Variants in MUC12 observed in about 807,000 individuals in gnomAD.
The protein encoded by MUC12 is mucin-12.
Under a neutral mutation model 230.8 loss-of-function variants are expected in MUC12, and 172 were observed. The observed-to-expected ratio is 0.75, with a 90% CI of 0.66 to 0.85. The LOEUF (loss-of-function observed/expected upper bound fraction) is 0.85, where lower values mean the gene tolerates loss of function less well. MUC12 is among the 40% of genes least tolerant of loss of function. The pLI, the probability that MUC12 is intolerant of heterozygous loss-of-function variation, is 0.00. For missense variants in MUC12, 3,506 were observed against 5,920.6 expected (o/e 0.59, Z 13.38); for synonymous variants, 1,259 against 2,401.9 (o/e 0.52, Z 13.91).
intron 4 of MUC12, 45 bp downstream of exon 4, chr7:101,008,806 T>C: frequency 1.3e-6 from 2 of 1,512,554 alleles, no homozygotes; most frequent in South Asian, 2.5e-5. Context: ...ATGTCCCACG[T>C]GAGAGGAAAT....
In MUC12 at chr7:100,991,670, A is replaced by C. The variant is rs776383438; in HGVS notation, c.1107A>C (p.Gln369His). The stretch of plus-strand genomic sequence containing the variant: ...ACCACAGGAGCCCGGGCTCAACTCA[A>C]ACAATGCACTTCCCTGAAAGCTCCA... ...TAYHRSPGST[Q>H]TMHFPESSTT... Residue 369 changes from glutamine (Q) to histidine (H), a missense_variant, in exon 2 of 12, where the codon CAA (glutamine) becomes CAC (histidine). Gln to His is a conservative substitution (Grantham distance 24). Transcript: ENST00000536621. The C allele has an allele frequency of 3.9e-6, 6 of 1,537,454 alleles. No homozygotes were observed. In the African/African-American group the frequency reaches 6.8e-5, roughly 18 times the overall value.
chr7:100,980,509 A>T (rs1395881320), intron 1 of MUC12, among the ~76,000 whole-genome samples: 1 of 152,202 alleles, frequency 6.6e-6, no homozygotes, highest in African/African-American at 2.4e-5. Flanking sequence ...CTATTCTTGG[A>T]CATGTGTACC....
chr7:101,013,925 G>C lies in MUC12; in HGVS notation c.15651G>C (p.Thr5217=). The change falls in exon 9 of 12, where the codon ACG becomes ACC. Residue 5217 remains threonine (T), a synonymous_variant. Coordinates refer to ENST00000536621, the MANE Select transcript of MUC12 (RefSeq NM_001164462.2). ...TCTGTGTCCCCAGGTGCCCAAATAC[G>C]AACACACACTGGTACTGGGGAGAGA... ...RSGPRCLCPN[T]NTHWYWGETC... is the part of the protein sequence containing the mutation. 2.0e-6 allele frequency: 3 copies of C among 1,535,346 alleles called. No individual in the cohort carries two copies. The highest frequency in any genetic ancestry group is 2.6e-6 in the Non-Finnish European group (3 of 1,145,906).
Position 100,994,041 on chromosome 7 carries a change from G to A in MUC12, c.3478G>A (p.Val1160Ile), listed in dbSNP as rs200579326. The change falls in exon 2 of 12, where the codon GTC becomes ATC. Residue 1160 changes from valine to isoleucine, a missense_variant. Coordinates refer to ENST00000536621, the MANE Select transcript of MUC12 (RefSeq NM_001164462.2). ...AGGCCTCAGTGAGGAATCTACCACC[G>A]TCTACAGCAGCAGCCGAGGCTCAAC... ...TPGLSEESTTVYSSSRGSTET... is the reference protein window; with the variant it reads ...TPGLSEESTTIYSSSRGSTET... 4.6e-4 allele frequency: 471 copies of A among 1,023,350 alleles called. 158 individuals are homozygous for A. In the East Asian group the frequency reaches 9.3e-3, roughly 20 times the overall value. The allele number at this position is 1,023,350 out of a possible 1,614,324, so 63.4% of individuals were successfully genotyped here.
At chr7:101,012,183 TCACCTCTGGGTCA>T in intron 5 of MUC12, 100 bp from the exon 6 acceptor site, 3 of 1,166,488 alleles carry the variant, frequency 2.6e-6, no homozygotes, top group Non-Finnish European at 3.5e-6. Context: ...GTATTCTTTC[TCACCTCTGGGTCA>T]CATGGCAGCT....
At chr7:100,988,968 G>A (rs942148027) in intron 1 of MUC12, among the ~76,000 whole-genome samples, 5 of 152,072 alleles carry the variant, frequency 3.3e-5, no homozygotes, top group Non-Finnish European at 7.4e-5. Context: ...CTTGCCTGCT[G>A]CCAAGTAAGA....
rs564124915 is a variant in MUC12, at chr7:100,991,783, T to C, written c.1220T>C (p.Leu407Pro). ...KSSTPSTTAA[L>P]AHTSYHSSLG... ...TCAACTCCTAGCACCACAGCTGCCC[T>C]AGCACATACAAGCTACCACAGCAGC... Residue 407 changes from leucine to proline, a missense_variant, in exon 2 of 12, where the codon CTA becomes CCA. Physicochemically the swap from Leu to Pro is moderately conservative, Grantham distance 98. Transcript: ENST00000536621. 2 of 1,537,854 alleles carry C rather than the reference T, an allele frequency of 1.3e-6. No individual in the cohort carries two copies. The highest frequency in any genetic ancestry group is 2.0e-5 in the Admixed American group (1 of 51,004).
chr7:101,002,821 A>C lies in MUC12; in HGVS notation c.12258A>C (p.Ser4086=). 1 of 1,148,014 alleles carries C rather than the reference A, an allele frequency of 8.7e-7. No homozygotes were observed. The highest frequency in any genetic ancestry group is 1.2e-6 in the Non-Finnish European group (1 of 829,524). 71.1% of individuals were successfully genotyped at this position (1,148,014 alleles called of 1,614,324 possible). The part of the protein sequence containing the change: ...ESTTFQSWPS[S]SDTTPSPPST... Reference sequence around the variant, plus strand: ...CCACTTTCCAGAGCTGGCCAAGCTCAAGTGACACAACACCTTCACCTCCCA... The same window carrying C: ...CCACTTTCCAGAGCTGGCCAAGCTCCAGTGACACAACACCTTCACCTCCCA... The change falls in exon 2 of 12, where the codon TCA becomes TCC. Residue 4086 remains serine, a synonymous_variant. Coordinates refer to ENST00000536621, the MANE Select transcript of MUC12 (RefSeq NM_001164462.2).
In MUC12 at chr7:100,991,427, G is replaced by C. The variant is rs61742928; in HGVS notation, c.864G>C (p.Ser288=). The C allele has an allele frequency of 2.4e-5, 37 of 1,537,564 alleles. 4 individuals carry two copies. Among genetic ancestry groups the C allele is most frequent in the East Asian group, 9.8e-5 (4 of 40,920 alleles). The change falls in exon 2 of 12, where the codon TCG becomes TCC. Residue 288 remains serine, a synonymous_variant. Transcript: ENST00000536621. ...GCTGGCCAAGCTCAAAGGACACTTC[G>C]CCTGCACCTTCTGGTACCACATCAG... is the stretch of plus-strand genomic sequence containing the variant. ...FQSWPSSKDT[S]PAPSGTTSAF...
chr7:100,974,422 T>TC (rs879630246), intron 1 of MUC12, among the ~76,000 whole-genome samples: 6,585 of 35,436 alleles, frequency 0.19, no homozygotes, highest in Admixed American at 0.22. Flanking sequence ...TCTATTGACT[T>TC]ATCAATTGAC....
At position 100,992,308 on chromosome 7, in the gene MUC12, G is replaced by A. The variant is rs1307986430; in HGVS notation, c.1745G>A (p.Ser582Asn). ...GGTCCAGAATATACTACCTTCCACAGCCGCCCAGGCTCCACTGAAACAACA... is the reference window on the plus strand; with the variant it reads ...GGTCCAGAATATACTACCTTCCACAACCGCCCAGGCTCCACTGAAACAACA... ...SLGPEYTTFHSRPGSTETTLL... is the reference protein window; with the variant it reads ...SLGPEYTTFHNRPGSTETTLL... Residue 582 changes from serine (S) to asparagine (N), a missense_variant, in exon 2 of 12, where the codon AGC becomes AAC. Transcript: ENST00000536621. The A allele has an allele frequency of 6.5e-7, 1 of 1,536,728 alleles. No homozygotes were observed. Among genetic ancestry groups the A allele is most frequent in the Non-Finnish European group, 8.7e-7 (1 of 1,146,102 alleles).
chr7:101,013,136 G>A lies in MUC12; in HGVS notation c.15632G>A (p.Arg5211His), dbSNP rs200856041. The A allele has an allele frequency of 3.7e-4, 571 of 1,537,220 alleles. 3 individuals are homozygous for A. In the South Asian group the frequency reaches 6.1e-3, roughly 17 times the overall value. ...GTCQLQRSGP[R>H]CLCPNTNTHW... ...TGTCAGCTGCAACGCAGTGGCCCCC[G>A]CTGCCTGTGAGTGTCCCCATAAGCC... The change falls in exon 8 of 12, where the codon CGC becomes CAC. Residue 5211 changes from arginine (R) to histidine (H), a missense_variant. Arg to His is a conservative substitution (Grantham distance 29). Coordinates refer to ENST00000536621, the MANE Select transcript of MUC12 (RefSeq NM_001164462.2).
intron 1 of MUC12, 117 bp downstream of exon 1, chr7:100,969,806 T>A: frequency 2.1e-6 from 3 of 1,427,228 alleles, no homozygotes; most frequent in African/African-American, 1.4e-5. Context: ...GGCAAGGGGC[T>A]GCCACAGGGC....
At chr7:101,010,470 G>C (rs1370650976) in intron 5 of MUC12, among the ~76,000 whole-genome samples, 3 of 152,048 alleles carry the variant, frequency 2.0e-5, no homozygotes, top group Non-Finnish European at 4.4e-5. Context: ...TCGAGTAGCT[G>C]GGACTACAGG....
At chr7:100,975,142 C>A (rs114940049) in intron 1 of MUC12, among the ~76,000 whole-genome samples, 327 of 152,398 alleles carry the variant, frequency 2.1e-3, no homozygotes, top group African/African-American at 7.4e-3. Flanking sequence ...CCAACTGCTG[C>A]AGAGGACACA....
At position 100,995,564 on chromosome 7, in the gene MUC12, T is replaced by G; in HGVS notation, c.5001T>G (p.Thr1667=). Residue 1667 remains threonine, a synonymous_variant, in exon 2 of 12, where the codon ACT becomes ACG. Transcript: ENST00000536621. The part of the protein sequence containing the change: ...LEASTPVHSS[T]GSPHTTLSPA... The stretch of plus-strand genomic sequence containing the variant: ...CATCTACGCCCGTCCACAGCAGCAC[T>G]GGATCGCCACACACAACACTGTCCC... 1 of 1,536,120 alleles carries G rather than the reference T, an allele frequency of 6.5e-7. No homozygotes were observed. The highest frequency in any genetic ancestry group is 8.7e-7 in the Non-Finnish European group (1 of 1,146,890).
Position 100,972,991 on chromosome 7 carries a change from G to A in MUC12, c.67+3302G>A, listed in dbSNP as rs1306016979. 2.0e-5 allele frequency: 14 copies of A among 703,004 alleles called. No homozygotes were observed. The East Asian group carries it at 3.8e-4, about 19-fold the overall frequency. 43.5% of individuals were successfully genotyped at this position (703,004 alleles called of 1,614,324 possible). On this transcript the variant is annotated intron_variant, in intron 1 of 11. Transcript: ENST00000536621. ...GTGCAGGAATGCCCTGAAAGATGAG[G>A]GGGCATCTGCTGGATGGAGCGTGAT...
chr7:100,969,686 C>T lies in MUC12; in HGVS notation c.64C>T (p.Pro22Ser). Residue 22 changes from proline to serine, a missense_variant, in exon 1 of 12, where the codon CCA (proline) becomes TCA (serine). Pro to Ser is a moderately conservative substitution (Grantham distance 74, BLOSUM62 -1). Transcript: ENST00000536621. ...RLCASVTTVT[P>S]GSTVNTSIGG... The stretch of plus-strand genomic sequence containing the variant: ...CTGCGCGTCCGTTACTACAGTGACA[C>T]CAGGTGAGTGCTCCTGGGCTGATGC... 3.3e-6 allele frequency: 5 copies of T among 1,535,272 alleles called. No homozygotes were observed. In the South Asian group the frequency reaches 3.6e-5, roughly 11 times the overall value.
Position 100,992,371 on chromosome 7 carries a change from A to C in MUC12, c.1808A>C (p.Glu603Ala), listed in dbSNP as rs371534415. Residue 603 changes from glutamate (E) to alanine (A), a missense_variant, in exon 2 of 12, where the codon GAA (glutamate) becomes GCA (alanine). Glu to Ala is a moderately radical substitution (Grantham distance 107, BLOSUM62 -1). Transcript: ENST00000536621. Reference sequence around the variant, plus strand: ...AACACCACAGCCTCAGGACTCCTTGAAGCATCTATGCCCGTCCACAGCAGC... The same window carrying C: ...AACACCACAGCCTCAGGACTCCTTGCAGCATCTATGCCCGTCCACAGCAGC... ...PDNTTASGLL[E>A]ASMPVHSSTR... 977 of 1,536,190 alleles carry C rather than the reference A, an allele frequency of 6.4e-4. No individual in the cohort carries two copies. Among genetic ancestry groups the C allele is most frequent in the Non-Finnish European group, 8.1e-4 (926 of 1,145,562 alleles).
Sources: allele counts gnomAD v4.1 joint callset (sites outside exome capture counted in the v4.1 genomes callset), GRCh38; gene constraint gnomAD v4.1.1; transcripts MANE v1.5; gene names NCBI Gene and HGNC (gene_info 2026-07-23, HGNC 2026-07-21).